The following GRM7 variants were observed in gnomAD, a reference collection of about 807,000 sequenced individuals.
The protein encoded by GRM7 is glutamate metabotropic receptor 7.
A neutral mutation model predicts 84.5 loss-of-function variants in GRM7; 35 were observed. The ratio of observed to expected loss-of-function variants is 0.41; its 90% CI spans 0.32 to 0.55. The LOEUF (loss-of-function observed/expected upper bound fraction) is 0.55. Ranked by LOEUF, GRM7 falls within the 20% of genes least tolerant of loss-of-function variation. GRM7 has a pLI of 0.19. For synonymous variants in GRM7, 487 were observed against 455.1 expected (o/e 1.07, Z -0.89); for missense variants, 1,003 against 1,194.6 (o/e 0.84, Z 2.36).
At chr3:7,642,834 G>A (rs1698425533) in intron 8 of GRM7, among the ~76,000 whole-genome samples, 1 of 152,082 alleles carries the variant, frequency 6.6e-6, no homozygotes, top group Non-Finnish European at 1.5e-5. Flanking sequence ...TCTCATGTAT[G>A]AGAACATGAA....
At chr3:7,528,196 A>G (rs1227415714) in intron 7 of GRM7, among the ~76,000 whole-genome samples, 2 of 152,008 alleles carry the variant, frequency 1.3e-5, no homozygotes, top group East Asian at 1.9e-4. Flanking sequence ...TAATTCAATT[A>G]TAGAACTCAT....
At position 7,634,961 on chromosome 3, in the gene GRM7, G is replaced by C. The variant is rs541105033; in HGVS notation, c.2452-45088G>C. ...TACCAAAAACCTATTCTTACATATG[G>C]ACAGGTAGTATTAACCACAGGGTAC... On this transcript the variant is annotated intron_variant, in intron 8 of 9. Coordinates refer to ENST00000357716, the MANE Select transcript of GRM7 (RefSeq NM_000844.4). Among the ~76,000 whole-genome samples, 3 of 152,222 alleles carry C rather than the reference G, an allele frequency of 2.0e-5. No individual in the cohort carries two copies. The East Asian group carries it at 5.8e-4, about 29-fold the overall frequency.
chr3:7,683,027 C>A (rs536871040), intron 9 of GRM7, among the ~76,000 whole-genome samples: 1 of 152,174 alleles, frequency 6.6e-6, no homozygotes, highest in Non-Finnish European at 1.5e-5. Flanking sequence ...ACTCTTCAAC[C>A]CACGCTTGTT....
chr3:6,993,788 A>G (rs887226411), intron 1 of GRM7, among the ~76,000 whole-genome samples: 1 of 152,214 alleles, frequency 6.6e-6, no homozygotes, highest in African/African-American at 2.4e-5. Flanking sequence ...GATGGATTAC[A>G]TATAGAAGGA....
chr3:7,642,156 A>G (rs1016917900), intron 8 of GRM7, among the ~76,000 whole-genome samples: 2 of 152,180 alleles, frequency 1.3e-5, no homozygotes, highest in African/African-American at 2.4e-5. Flanking sequence ...ATTACCTGAG[A>G]GTCTTCGTAA....
chr3:7,640,164 T>C (rs1432559269), intron 8 of GRM7, among the ~76,000 whole-genome samples: 1 of 152,160 alleles, frequency 6.6e-6, no homozygotes. Context: ...TTACATATAG[T>C]TGATGACCAA....
chr3:6,998,859 G>A (rs1559375889), intron 1 of GRM7, among the ~76,000 whole-genome samples: 1 of 152,166 alleles, frequency 6.6e-6, no homozygotes, highest in African/African-American at 2.4e-5. Context: ...AAGGCCCTGG[G>A]CCCAGGCCCT....
At chr3:7,025,071 C>T (rs1467582761) in intron 1 of GRM7, among the ~76,000 whole-genome samples, 1 of 152,130 alleles carries the variant, frequency 6.6e-6, no homozygotes, top group Non-Finnish European at 1.5e-5. Context: ...GCTCATGGGC[C>T]TCTGTTTGTC....
chr3:7,298,718 C>G lies in GRM7; in HGVS notation c.771C>G (p.Pro257=). 1 of 1,613,434 alleles carries G rather than the reference C, an allele frequency of 6.2e-7. No homozygotes were observed. Among genetic ancestry groups the G allele is most frequent in the Admixed American group, 1.7e-5 (1 of 60,006 alleles). Residue 257 remains proline, a synonymous_variant, in exon 3 of 10, where the codon CCC becomes CCG. Transcript: ENST00000357716. ...GCATTGCCCAGTCCGTGAGAATCCCCCAGGAACGCAAAGACAGGACCATTG... is the reference window on the plus strand; with the variant it reads ...GCATTGCCCAGTCCGTGAGAATCCCGCAGGAACGCAAAGACAGGACCATTG... ...GLCIAQSVRI[P]QERKDRTIDF...
At chr3:6,936,721 G>T (rs765442210) in intron 1 of GRM7, among the ~76,000 whole-genome samples, 1 of 152,122 alleles carries the variant, frequency 6.6e-6, no homozygotes, top group African/African-American at 2.4e-5. Flanking sequence ...CCCTTTCCAC[G>T]ACATTCTATG....
At chr3:7,327,862 C>T (rs936111064) in intron 4 of GRM7, among the ~76,000 whole-genome samples, 9 of 152,318 alleles carry the variant, frequency 5.9e-5, no homozygotes, top group Admixed American at 5.2e-4. Flanking sequence ...ATTTATTGAA[C>T]ATCTGCGTTG....
rs116108432 is a variant in GRM7 at position 7,010,508 on chromosome 3, C to A, written c.520-135944C>A. Among the ~76,000 whole-genome samples, 395 of 152,296 alleles carry A rather than the reference C, an allele frequency of 2.6e-3. 2 individuals carry two copies. Among genetic ancestry groups the A allele is most frequent in the Non-Finnish European group, 3.9e-3 (265 of 68,032 alleles). On this transcript the variant is annotated intron_variant, in intron 1 of 9. Coordinates refer to ENST00000357716, the MANE Select transcript of GRM7 (RefSeq NM_000844.4). ...CTGGCTAAACTGATCTAATAGGATT[C>A]TTGCTGAAGGCAAGTCCAAGGTGAT...
At chr3:6,952,320 T>C (rs1361196828) in intron 1 of GRM7, among the ~76,000 whole-genome samples, 1 of 152,120 alleles carries the variant, frequency 6.6e-6, no homozygotes, top group Non-Finnish European at 1.5e-5. Context: ...TTTCAGGGCC[T>C]GTGTGCGCCT....
chr3:7,565,702 A>C (rs1414347393), intron 7 of GRM7, among the ~76,000 whole-genome samples: 1 of 152,212 alleles, frequency 6.6e-6, no homozygotes, highest in Non-Finnish European at 1.5e-5. Context: ...TTAGACCTGC[A>C]CATTAAAAGG....
chr3:7,456,016 A>G (rs1697994770), intron 6 of GRM7, among the ~76,000 whole-genome samples: 1 of 152,164 alleles, frequency 6.6e-6, no homozygotes, highest in African/African-American at 2.4e-5. Flanking sequence ...AAGAAGGTCA[A>G]CTACAAGTTA....
chr3:7,710,703 G>A (rs1453784377), intron 9 of GRM7, among the ~76,000 whole-genome samples: 1 of 152,132 alleles, frequency 6.6e-6, no homozygotes, highest in African/African-American at 2.4e-5. Flanking sequence ...AAGATGCTGG[G>A]CTCTTTCCTT....
At chr3:7,251,567 A>C (rs934844123) in intron 2 of GRM7, among the ~76,000 whole-genome samples, 1 of 152,178 alleles carries the variant, frequency 6.6e-6, no homozygotes, top group Non-Finnish European at 1.5e-5. Context: ...TTAAAGTACT[A>C]TGTTGGGCTA....
rs1032100949 is a variant in GRM7, at chr3:7,144,287, G to T, written c.520-2165G>T. 2.2e-4 allele frequency among the ~76,000 whole-genome samples: 34 copies of T among 152,256 alleles called. 3 individuals are homozygous for T. Among genetic ancestry groups the T allele is most frequent in the Admixed American group, 1.3e-3 (20 of 15,282 alleles). Reference sequence around the variant, plus strand: ...CTCAATTTTCTCCCTTGTAAAACAAGTTAATAATACTATAATATAGTCTAA... The same window carrying T: ...CTCAATTTTCTCCCTTGTAAAACAATTTAATAATACTATAATATAGTCTAA... On this transcript the variant is annotated intron_variant, in intron 1 of 9. Transcript: ENST00000357716.
intron 2 of GRM7, among the ~76,000 whole-genome samples, chr3:7,199,103 C>T (rs189714871): frequency 6.6e-6 from 1 of 152,150 alleles, no homozygotes; most frequent in Non-Finnish European, 1.5e-5. Context: ...TTGATCCGCT[C>T]CTTAAATTTA....
Sources: gnomAD v4.1 joint callset for allele counts (sites outside exome capture counted in the v4.1 genomes callset) on GRCh38, gnomAD v4.1.1 for gene constraint, MANE v1.5 for transcripts, NCBI Gene and HGNC (gene_info 2026-07-23, HGNC 2026-07-21) for gene names.